The following KATNAL2 variants were observed in gnomAD, a reference collection of about 807,000 sequenced individuals.
The protein encoded by KATNAL2 is katanin catalytic subunit A1 like 2.
A neutral mutation model predicts 76.3 loss-of-function variants in KATNAL2; 52 were observed. The observed-to-expected ratio is 0.68, with a 90% confidence interval of 0.55 to 0.86. The LOEUF (loss-of-function observed/expected upper bound fraction) is 0.86. KATNAL2 is among the 40% of genes least tolerant of loss of function. KATNAL2 has a pLI of 0.00. For synonymous variants in KATNAL2, 243 were observed against 244.2 expected, an observed-to-expected ratio of 1.00 and a Z score of 0.05; for missense variants, 660 against 668.9, an observed-to-expected ratio of 0.99 and a Z score of 0.15.
chr18:46,951,683 C>T (rs1454163800), intron 3 of KATNAL2, among the ~76,000 whole-genome samples: 1 of 152,126 alleles, frequency 6.6e-6, no homozygotes, highest in Non-Finnish European at 1.5e-5. Flanking sequence ...ATCTATGAAA[C>T]TTCTCCTCTC....
At chr18:47,080,582 C>T (rs555078935) in intron 15 of KATNAL2, among the ~76,000 whole-genome samples, 1 of 152,290 alleles carries the variant, frequency 6.6e-6, no homozygotes, top group African/African-American at 2.4e-5. Flanking sequence ...GGCCACTCTA[C>T]GTTTGATTAG....
At chr18:47,072,785 T>A (rs1462665949) in intron 13 of KATNAL2, among the ~76,000 whole-genome samples, 2 of 152,232 alleles carry the variant, frequency 1.3e-5, no homozygotes, top group Non-Finnish European at 2.9e-5. Context: ...ATGTGTTCCC[T>A]TTTGTACCTG....
chr18:46,929,534 C>A (rs1027022598), intron 1 of KATNAL2, among the ~76,000 whole-genome samples: 1 of 152,098 alleles, frequency 6.6e-6, no homozygotes, highest in East Asian at 1.9e-4. Context: ...TGGGCTATCA[C>A]GCTTGGCCAC....
At chr18:47,033,443 A>G (rs778320356) in intron 3 of KATNAL2, 48 of 1,614,000 alleles carry the variant, frequency 3.0e-5, no homozygotes, top group Non-Finnish European at 4.1e-5. Context: ...AGCCGCAGGT[A>G]CTGCTCCCTC....
chr18:46,919,631 AGAGT>A (rs1445577188), intron 1 of KATNAL2, among the ~76,000 whole-genome samples: 2 of 152,204 alleles, frequency 1.3e-5, no homozygotes, highest in African/African-American at 4.8e-5. Context: ...CCTGGGCAAC[AGAGT>A]GAGACTTTGT....
Position 47,063,309 on chromosome 18 carries a change from C to A in KATNAL2, c.674C>A (p.Ala225Glu), listed in dbSNP as rs763731661. The A allele has an allele frequency of 1.2e-6, 2 of 1,613,796 alleles. No individual in the cohort carries two copies. The highest frequency in any genetic ancestry group is 1.7e-5 in the Admixed American group (1 of 59,960). The part of the protein sequence containing the change: ...PSERLLKPLS[A>E]FIGMNSEMRE... ...GAACGACTGCTGAAACCTCTGAGTGCATTTATTGGCATGAACAGTGAGATG... is the reference window on the plus strand; with the variant it reads ...GAACGACTGCTGAAACCTCTGAGTGAATTTATTGGCATGAACAGTGAGATG... Residue 225 changes from alanine to glutamate, a missense_variant, in exon 10 of 18, where the codon GCA (alanine) becomes GAA (glutamate). Ala to Glu is a moderately radical substitution (Grantham distance 107, BLOSUM62 -1). Transcript: ENST00000683218.
chr18:47,033,116 T>A, intron 3 of KATNAL2: 7 of 1,614,118 alleles, frequency 4.3e-6, no homozygotes, highest in Non-Finnish European at 5.9e-6. Context: ...TGCTCATTGC[T>A]GCTGCTCAGG....
At chr18:47,031,574 G>C (rs531840104) in intron 3 of KATNAL2, among the ~76,000 whole-genome samples, 11 of 152,248 alleles carry the variant, frequency 7.2e-5, no homozygotes, top group South Asian at 4.2e-4. Context: ...TAAATTTGCT[G>C]TGTTTCCAGA....
chr18:47,034,984 G>T, intron 3 of KATNAL2: 1 of 1,611,674 alleles, frequency 6.2e-7, no homozygotes, highest in Non-Finnish European at 8.5e-7. Context: ...CTGTCGGGAA[G>T]CGCTCTCCTC....
At chr18:47,085,554 C>CT (rs2062732167) in intron 15 of KATNAL2, among the ~76,000 whole-genome samples, 1 of 152,096 alleles carries the variant, frequency 6.6e-6, no homozygotes, top group Admixed American at 6.5e-5. Context: ...TTAGAGATGT[C>CT]TTTTAAAGTT....
At chr18:47,035,598 C>A in intron 3 of KATNAL2, 1 of 524,992 alleles carries the variant, frequency 1.9e-6, no homozygotes, top group Non-Finnish European at 3.5e-6. Flanking sequence ...GGCTGACACT[C>A]ACGGCTCTAG....
intron 13 of KATNAL2, among the ~76,000 whole-genome samples, chr18:47,072,526 G>A (rs1359082914): frequency 6.6e-6 from 1 of 152,148 alleles, no homozygotes; most frequent in African/African-American, 2.4e-5. Flanking sequence ...GCTGACTGCA[G>A]CCTCGACCTC....
chr18:47,059,441 C>T (rs952268881), intron 7 of KATNAL2, 115 bp from the exon 8 acceptor site: 9 of 726,492 alleles, frequency 1.2e-5, no homozygotes, highest in South Asian at 9.5e-5. Flanking sequence ...ATGTGCATGT[C>T]GCGTTCACAG....
At chr18:46,958,533 C>G (rs987474594) in intron 3 of KATNAL2, among the ~76,000 whole-genome samples, 1 of 152,218 alleles carries the variant, frequency 6.6e-6, no homozygotes, top group East Asian at 1.9e-4. Flanking sequence ...AGAGCTGTGA[C>G]TAACACAGAT....
intron 1 of KATNAL2, among the ~76,000 whole-genome samples, chr18:46,928,944 C>T (rs746780957): frequency 5.3e-5 from 8 of 151,956 alleles, no homozygotes; most frequent in Non-Finnish European, 1.0e-4. Flanking sequence ...TACAGGCATG[C>T]GCCACCACGC....
intron 1 of KATNAL2, among the ~76,000 whole-genome samples, chr18:46,931,920 CTTTTTTTTTT>C (rs869157451): frequency 6.2e-5 from 9 of 144,508 alleles, no homozygotes; most frequent in Non-Finnish European, 1.1e-4. Flanking sequence ...CTTTTCTTTT[CTTTTTTTTTT>C]TGAGACGGGG....
chr18:47,053,182 T>C, intron 5 of KATNAL2, 136 bp downstream of exon 5: 1 of 689,774 alleles, frequency 1.4e-6, no homozygotes, highest in Non-Finnish European at 2.4e-6. Flanking sequence ...GTAGCCATTC[T>C]CATATCCAGC....
intron 8 of KATNAL2, among the ~76,000 whole-genome samples, chr18:47,061,444 G>A (rs1268528784): frequency 1.3e-5 from 2 of 152,134 alleles, no homozygotes; most frequent in African/African-American, 2.4e-5. Context: ...TCATTACAGT[G>A]GTGAGAGCAC....
intron 15 of KATNAL2, among the ~76,000 whole-genome samples, chr18:47,089,139 T>C (rs563623659): frequency 1.3e-5 from 2 of 152,356 alleles, no homozygotes; most frequent in South Asian, 2.1e-4. Context: ...AAACCTTTTG[T>C]AACCAAGAGA....
Sources: gnomAD v4.1 joint callset for allele counts (sites outside exome capture counted in the v4.1 genomes callset) on GRCh38, gnomAD v4.1.1 for gene constraint, MANE v1.5 for transcripts, NCBI Gene and HGNC (gene_info 2026-07-23, HGNC 2026-07-21) for gene names.